OPHN1: variants seen among roughly 807,000 people sequenced by gnomAD.
The protein encoded by OPHN1 is oligophrenin-1.
Under a neutral mutation model 60.7 loss-of-function variants are expected in OPHN1, and 11 were observed. The ratio of observed to expected loss-of-function variants is 0.18; its 90% confidence interval spans 0.11 to 0.30. OPHN1 has a LOEUF of 0.30. Among genes scored for constraint, OPHN1 ranks in the 10% least tolerant of loss-of-function variants. The pLI, the probability that OPHN1 is intolerant of heterozygous loss-of-function variation, is 1.00. For missense variants in OPHN1, 449 were observed against 611.0 expected, an observed-to-expected ratio of 0.73 and a Z score of 2.80; for synonymous variants, 226 against 222.6, an observed-to-expected ratio of 1.02 and a Z score of -0.14.
rs1273562432 is a variant in OPHN1, at chrX:68,201,722, C to T, written c.934-12G>A. ...AAGTCCAAGGGCCCCTGATATGAAA[C>T]AAGAATTAACAGGCAATTTTTAAAA... On this transcript the variant is annotated splice_polypyrimidine_tract_variant and intron_variant, in intron 10 of 24. Coordinates refer to ENST00000355520, the MANE Select transcript of OPHN1 (RefSeq NM_002547.3). The T allele has an allele frequency of 8.6e-7, 1 of 1,158,529 alleles. No individual in the cohort carries two copies. The highest frequency in any genetic ancestry group is 1.8e-5 in the African/African-American group (1 of 56,237).
At chrX:68,131,844 T>A (rs1206569679) in intron 15 of OPHN1, among the ~76,000 whole-genome samples, 5 of 112,109 alleles carry the variant, frequency 4.5e-5, no homozygotes, top group African/African-American at 1.6e-4. Flanking sequence ...AAAGAAAACA[T>A]CAGTAAGTTC....
intron 2 of OPHN1, among the ~76,000 whole-genome samples, chrX:68,305,440 A>G (rs1357942232): frequency 8.9e-6 from 1 of 112,360 alleles, no homozygotes; most frequent in Non-Finnish European, 1.9e-5. Flanking sequence ...GCAATGTAAA[A>G]TCTAGAAAGA....
At chrX:68,430,042 A>C (rs1188852913) in intron 2 of OPHN1, among the ~76,000 whole-genome samples, 2 of 42,865 alleles carry the variant, frequency 4.7e-5, no homozygotes, top group African/African-American at 8.0e-5. Flanking sequence ...CTCAGAAAAA[A>C]ACAAAAAAAA....
At chrX:68,195,208 G>C (rs1176949497) in intron 12 of OPHN1, among the ~76,000 whole-genome samples, 3 of 111,522 alleles carry the variant, frequency 2.7e-5, no homozygotes, top group Non-Finnish European at 5.6e-5. Context: ...AAGAGACCAG[G>C]AAAGTGTTTT....
intron 15 of OPHN1, among the ~76,000 whole-genome samples, chrX:68,120,676 G>A (rs2077146916): frequency 8.9e-6 from 1 of 111,983 alleles, no homozygotes; most frequent in Non-Finnish European, 1.9e-5. Flanking sequence ...ACCCTGAATA[G>A]TCAAAGCAAT....
At chrX:68,048,309 T>C (rs1309137064) in intron 24 of OPHN1, 107 bp downstream of exon 24, 25 of 685,911 alleles carry the variant, frequency 3.6e-5, no homozygotes, top group Non-Finnish European at 5.8e-5. Flanking sequence ...TAGAAGTGAG[T>C]TCCCACCCTT....
intron 9 of OPHN1, among the ~76,000 whole-genome samples, chrX:68,207,039 ACT>A (rs1243373279): frequency 9.1e-6 from 1 of 110,428 alleles, no homozygotes; most frequent in Non-Finnish European, 1.9e-5. Context: ...CCTGTACATG[ACT>A]CTACACATCT....
intron 18 of OPHN1, among the ~76,000 whole-genome samples, chrX:68,108,730 T>C (rs759160753): frequency 1.8e-5 from 2 of 112,080 alleles, no homozygotes; most frequent in African/African-American, 3.2e-5. Flanking sequence ...GTTGAAATAA[T>C]TGCTTTCTCT....
intron 15 of OPHN1, among the ~76,000 whole-genome samples, chrX:68,184,174 A>G (rs1190000213): frequency 1.8e-5 from 2 of 111,770 alleles, no homozygotes; most frequent in Non-Finnish European, 3.8e-5. Flanking sequence ...GTGCACATGT[A>G]CCCTAAAACT....
chrX:68,168,824 C>A (rs1602207337), intron 15 of OPHN1, among the ~76,000 whole-genome samples: 2 of 111,258 alleles, frequency 1.8e-5, no homozygotes, highest in East Asian at 5.6e-4. Flanking sequence ...AAGGGGATAT[C>A]ACCACCAATC....
intron 2 of OPHN1, among the ~76,000 whole-genome samples, chrX:68,398,383 A>T (rs1310141971): frequency 1.8e-5 from 2 of 111,933 alleles, no homozygotes; most frequent in Admixed American, 1.9e-4. Context: ...GTTTCCAAAG[A>T]TTTCAATCCA....
At chrX:68,223,219 A>C (rs1053442302) in intron 6 of OPHN1, among the ~76,000 whole-genome samples, 1 of 112,188 alleles carries the variant, frequency 8.9e-6, no homozygotes, top group Non-Finnish European at 1.9e-5. Context: ...TCATTACATC[A>C]GAAAAGACAC....
chrX:68,069,146 C>A (rs1171763971), intron 20 of OPHN1, among the ~76,000 whole-genome samples: 2 of 112,039 alleles, frequency 1.8e-5, no homozygotes, highest in Non-Finnish European at 3.8e-5. Flanking sequence ...GCCCTCATCA[C>A]CACAGAGGGG....
At chrX:68,098,818 T>G (rs2077047344) in intron 18 of OPHN1, among the ~76,000 whole-genome samples, 1 of 111,682 alleles carries the variant, frequency 9.0e-6, no homozygotes, top group Non-Finnish European at 1.9e-5. Context: ...TGAAAGGAAC[T>G]GATCTTTGTT....
intron 10 of OPHN1, among the ~76,000 whole-genome samples, chrX:68,205,005 C>T (rs947366547): frequency 8.9e-6 from 1 of 112,083 alleles, no homozygotes; most frequent in African/African-American, 3.2e-5. Context: ...TAAGCACTTC[C>T]TAGTCAGATT....
At chrX:68,109,901 C>G (rs1410128) in intron 18 of OPHN1, among the ~76,000 whole-genome samples, 1 of 110,152 alleles carries the variant, frequency 9.1e-6, no homozygotes, top group African/African-American at 3.3e-5. Flanking sequence ...TTTTCAGATA[C>G]TTGTGTTGTT....
intron 15 of OPHN1, among the ~76,000 whole-genome samples, chrX:68,169,769 C>G (rs2077380254): frequency 9.5e-6 from 1 of 105,099 alleles, no homozygotes; most frequent in East Asian, 2.9e-4. Context: ...ACACCTTATA[C>G]AAAAATTAAT....
chrX:68,263,039 G>A (rs982542384), intron 5 of OPHN1, among the ~76,000 whole-genome samples: 2 of 111,973 alleles, frequency 1.8e-5, no homozygotes, highest in East Asian at 2.8e-4. Flanking sequence ...TAAAAGACAT[G>A]TTGCCCCCAA....
chrX:68,410,778 C>T (rs2147777198), intron 2 of OPHN1, among the ~76,000 whole-genome samples: 1 of 111,117 alleles, frequency 9.0e-6, no homozygotes, highest in African/African-American at 3.3e-5. Context: ...AGGGTATATA[C>T]CCAAAAGAGT....
Sources: gnomAD v4.1 joint callset for allele counts (sites outside exome capture counted in the v4.1 genomes callset) on GRCh38, gnomAD v4.1.1 for gene constraint, MANE v1.5 for transcripts, NCBI Gene and HGNC (gene_info 2026-07-23, HGNC 2026-07-21) for gene names.